Variants in TEX11 observed in about 807,000 individuals in gnomAD.
TEX11 encodes testis expressed 11, also known as testis-expressed protein 11.
TEX11 carries 7 observed loss-of-function variants against 84.4 expected under a neutral mutation model. The ratio of observed to expected loss-of-function variants is 0.08; its 90% CI spans 0.05 to 0.16. The LOEUF (loss-of-function observed/expected upper bound fraction) is 0.16, where lower values mean the gene tolerates loss of function less well. Ranked by LOEUF, TEX11 falls within the 10% of genes least tolerant of loss-of-function variation. The pLI is 1.00. For synonymous variants in TEX11, 264 were observed against 222.8 expected, an observed-to-expected ratio of 1.18 and a Z score of -1.64; for missense variants, 551 against 660.5, an observed-to-expected ratio of 0.83 and a Z score of 1.82.
intron 11 of TEX11, among the ~76,000 whole-genome samples, chrX:70,736,544 A>G (rs2090697409): frequency 9.1e-6 from 1 of 110,375 alleles, no homozygotes; most frequent in Admixed American, 9.7e-5. Context: ...GTGAGGCAAA[A>G]AAAAAAAAAA....
At chrX:70,595,142 C>T (rs988252968) in intron 24 of TEX11, among the ~76,000 whole-genome samples, 4 of 111,292 alleles carry the variant, frequency 3.6e-5, no homozygotes, top group Non-Finnish European at 5.7e-5. Context: ...AGTGCAATGG[C>T]GCGATCTTGG....
rs1036236686 is a variant in TEX11 at position 70,803,024 on chromosome X, A to G, written c.692+3681T>C. Among the ~76,000 whole-genome samples the G allele has an allele frequency of 3.6e-5, 4 of 111,741 alleles. No homozygotes were observed. The East Asian group carries it at 1.1e-3, about 31-fold the overall frequency. On this transcript the variant is annotated intron_variant, in intron 9 of 29. Transcript: ENST00000374333. ...TCTAGATTGTGAGGGAAATTTCTCT[A>G]TCAACAATCTCTTCTCATCTACTTA...
At position 70,908,684 on chromosome X, in the gene TEX11, C is replaced by G. The variant is rs1049774241; in HGVS notation, c.-52G>C. ...CCGCAGCCACCAATGCCGCCCTGCT[C>G]TCTCCACAACCTCCGTCCACAGCGC... On this transcript the variant is annotated 5_prime_UTR_variant, in exon 1 of 30. Coordinates refer to ENST00000374333, the MANE Select transcript of TEX11 (RefSeq NM_031276.3). 8.9e-6 allele frequency: 1 copy of G among 111,930 alleles called. No homozygotes were observed. Among genetic ancestry groups the G allele is most frequent in the Non-Finnish European group, 1.9e-5 (1 of 53,309 alleles). The allele number at this position is 111,930 out of a possible 1,213,427, so 9.2% of individuals were successfully genotyped here. A position where few individuals can be genotyped will look rare whatever the true frequency, so the allele number is the denominator to read the frequency against.
At chrX:70,537,099 G>A (rs554353017) in intron 28 of TEX11, among the ~76,000 whole-genome samples, 14 of 111,474 alleles carry the variant, frequency 1.3e-4, no homozygotes, top group Middle Eastern at 4.6e-3. Flanking sequence ...AAGAGGAAAG[G>A]TGAGTAGGTA....
downstream of TEX11, among the ~76,000 whole-genome samples, chrX:70,528,710 G>C (rs758755199): frequency 1.8e-5 from 2 of 111,200 alleles, no homozygotes; most frequent in East Asian, 5.6e-4. Flanking sequence ...TGCTGGCCCT[G>C]GTGACCACTA....
chrX:70,868,640 A>G (rs1240921893), intron 4 of TEX11, among the ~76,000 whole-genome samples: 1 of 111,824 alleles, frequency 8.9e-6, no homozygotes, highest in Non-Finnish European at 1.9e-5. Flanking sequence ...ATGCTCATCA[A>G]TGATAGACTG....
chrX:70,580,146 T>C (rs1458926784), intron 25 of TEX11, among the ~76,000 whole-genome samples: 2 of 112,211 alleles, frequency 1.8e-5, no homozygotes, highest in African/African-American at 6.5e-5. Flanking sequence ...GATCTAGTCA[T>C]TTGCAACAAT....
chrX:70,621,551 A>AAATACAT (rs1569360891), intron 20 of TEX11, among the ~76,000 whole-genome samples: 1 of 7,814 alleles, frequency 1.3e-4, no homozygotes, highest in Non-Finnish European at 2.4e-4. Context: ...AAAAAAAAAA[A>AAATACAT]ATATATATAT....
At chrX:70,612,295 T>C (rs899274764) in intron 20 of TEX11, among the ~76,000 whole-genome samples, 1 of 110,928 alleles carries the variant, frequency 9.0e-6, no homozygotes, top group Non-Finnish European at 1.9e-5. Flanking sequence ...AGGCAGAAAA[T>C]ACAATTTGAA....
intron 9 of TEX11, among the ~76,000 whole-genome samples, chrX:70,799,399 G>A (rs1028553192): frequency 8.9e-6 from 1 of 111,987 alleles, no homozygotes; most frequent in Non-Finnish European, 1.9e-5. Flanking sequence ...TGACAGGAAT[G>A]AGCAGGAACA....
At chrX:70,695,824 T>C (rs917492032) in intron 13 of TEX11, among the ~76,000 whole-genome samples, 8 of 112,006 alleles carry the variant, frequency 7.1e-5, no homozygotes, top group Non-Finnish European at 1.3e-4. Context: ...CAGGTTTTAC[T>C]GGAATCTCAG....
intron 7 of TEX11, among the ~76,000 whole-genome samples, chrX:70,845,508 T>C (rs2091474447): frequency 9.0e-6 from 1 of 111,294 alleles, no homozygotes; most frequent in Non-Finnish European, 1.9e-5. Context: ...GCCAAGTTTA[T>C]GTGTCAGTCA....
At position 70,670,503 on chromosome X, in the gene TEX11, G is replaced by A; in HGVS notation, c.1254C>T (p.Tyr418=). 8.4e-7 allele frequency: 1 copy of A among 1,193,954 alleles called. No homozygotes were observed. Among genetic ancestry groups the A allele is most frequent in the South Asian group, 1.9e-5 (1 of 52,227 alleles). Residue 418 remains tyrosine, a synonymous_variant, in exon 16 of 30, where the codon TAC becomes TAT. Transcript: ENST00000374333. ...QAASSFEVQN[Y]TDALQWYYYS... ...AATAGTACCATTGTAGGGCATCAGT[G>A]TAATTTTGTACCTAAAGTTTAAAAA...
intron 13 of TEX11, among the ~76,000 whole-genome samples, chrX:70,719,867 A>G (rs1454043238): frequency 9.0e-6 from 1 of 111,215 alleles, no homozygotes; most frequent in African/African-American, 3.3e-5. Flanking sequence ...AAGTCAGGAA[A>G]CAACAGGTGC....
intron 25 of TEX11, among the ~76,000 whole-genome samples, chrX:70,579,004 T>G (rs2088724209): frequency 9.2e-6 from 1 of 108,243 alleles, no homozygotes; most frequent in Non-Finnish European, 1.9e-5. Context: ...ACTCCTGACC[T>G]CAGGTGATCC....
At chrX:70,670,318 C>G in intron 16 of TEX11, 59 bp downstream of exon 16, 1 of 1,140,698 alleles carries the variant, frequency 8.8e-7, no homozygotes, top group Non-Finnish European at 1.2e-6. Context: ...TGGCATCTAT[C>G]TCTCTGCCAC....
At chrX:70,788,969 T>TAAAGAG (rs1368311539) in intron 9 of TEX11, among the ~76,000 whole-genome samples, 1 of 24,957 alleles carries the variant, frequency 4.0e-5, no homozygotes, top group Non-Finnish European at 6.7e-5. Flanking sequence ...TATATATATA[T>TAAAGAG]ATATAGAGAG....
At chrX:70,708,499 T>C (rs1437705164) in intron 13 of TEX11, among the ~76,000 whole-genome samples, 2 of 111,748 alleles carry the variant, frequency 1.8e-5, no homozygotes, top group Non-Finnish European at 1.9e-5. Flanking sequence ...CATGCACTCA[T>C]ATGTTCATCA....
chrX:70,517,386 A>G, the TEX11 span, among the ~76,000 whole-genome samples: 32,218 of 109,205 alleles, frequency 0.3, 5,862 homozygotes, highest in African/African-American at 0.67. Context: ...TAATCATGTA[A>G]TTTTTGCCTT....
Sources: gnomAD v4.1 joint callset for allele counts (sites outside exome capture counted in the v4.1 genomes callset) on GRCh38, gnomAD v4.1.1 for gene constraint, MANE v1.5 for transcripts, NCBI Gene and HGNC (gene_info 2026-07-23, HGNC 2026-07-21) for gene names.